LHX3: variants seen among roughly 807,000 people sequenced by gnomAD.
LHX3 encodes the protein LIM homeobox 3, also known as LIM/homeobox protein Lhx3.
Under a neutral mutation model 32.4 loss-of-function variants are expected in LHX3, and 21 were observed. That is an observed-to-expected ratio of 0.65 (90% CI 0.46 to 0.93). The LOEUF (loss-of-function observed/expected upper bound fraction) is 0.93, where lower values mean the gene tolerates loss of function less well. LHX3 is among the 40% of genes least tolerant of loss of function. The pLI is 0.00. For synonymous variants in LHX3, 258 were observed against 246.8 expected (o/e 1.05, Z -0.43); for missense variants, 626 against 560.0 (o/e 1.12, Z -1.19).
At chr9:136,202,932 G>C in intron 1 of LHX3, 2 of 1,532,048 alleles carry the variant, frequency 1.3e-6, no homozygotes, top group Non-Finnish European at 8.7e-7. Flanking sequence ...CAGCCACTCG[G>C]CCCGGGCACC....
rs1831682631 is a variant in LHX3, at chr9:136,203,007, C to T, written c.79+1927G>A. On this transcript the variant is annotated intron_variant, in intron 1 of 5. Coordinates refer to ENST00000371748, the MANE Select transcript of LHX3 (RefSeq NM_178138.6). ...GCAGCAGGTCGCCTCCCGCCGACTC[C>T]CGGGCCGGGCCCAGCTCCCCGCGCG... The T allele has an allele frequency of 1.3e-6, 2 of 1,523,946 alleles. No individual in the cohort carries two copies. Among genetic ancestry groups the T allele is most frequent in the South Asian group, 1.2e-5 (1 of 83,116 alleles). 94.4% of individuals were successfully genotyped at this position (1,523,946 alleles called of 1,614,324 possible). A position where few individuals can be genotyped will look rare whatever the true frequency, so the allele number is the denominator to read the frequency against.
Position 136,200,785 on chromosome 9 carries a change from G to A in LHX3, c.80-32C>T, listed in dbSNP as rs373999718. The A allele has an allele frequency of 6.8e-6, 11 of 1,612,068 alleles. No homozygotes were observed. The African/African-American group carries it at 9.3e-5, about 14-fold the overall frequency. On this transcript the variant is annotated intron_variant, in intron 1 of 5. Coordinates refer to ENST00000371748, the MANE Select transcript of LHX3 (RefSeq NM_178138.6). ...GCACGAGGAAGTTCTGGGTCACCTC[G>A]TAGACCAGGAGGCAGTGAAGCCACC...
Position 136,197,758 on chromosome 9 carries a change from G to A in LHX3, c.776-15C>T. On this transcript the variant is annotated splice_polypyrimidine_tract_variant and intron_variant, in intron 5 of 5. Transcript: ENST00000371748. ...GGAAGGCTCATCTGCAACAGAAGCA[G>A]AGGCTCAGTCAGCGCCTGCCCTCCA... The A allele has an allele frequency of 6.3e-7, 1 of 1,599,262 alleles. No individual in the cohort carries two copies. The highest frequency in any genetic ancestry group is 8.5e-7 in the Non-Finnish European group (1 of 1,179,534).
chr9:136,200,339 CT>C (rs1168027019), intron 2 of LHX3: 5 of 585,384 alleles, frequency 8.5e-6, no homozygotes, highest in African/African-American at 1.9e-5. Flanking sequence ...TAATAAATTG[CT>C]TTTTTTTCCA....
chr9:136,199,045 C>T lies in LHX3; in HGVS notation c.469G>A (p.Ala157Thr). 6.4e-7 allele frequency: 1 copy of T among 1,569,340 alleles called. No individual in the cohort carries two copies. The highest frequency in any genetic ancestry group is 1.8e-4 in the Middle Eastern group (1 of 5,660). Residue 157 changes from alanine to threonine, a missense_variant, in exon 4 of 6, where the codon GCC becomes ACC. Coordinates refer to ENST00000371748, the MANE Select transcript of LHX3 (RefSeq NM_178138.6). ...GTGATGGTCGTGCGCGGCCGCTTGGCCGTGGCCTCGGCCTCTGCGCGGCGG... is the reference window on the plus strand; with the variant it reads ...GTGATGGTCGTGCGCGGCCGCTTGGTCGTGGCCTCGGCCTCTGCGCGGCGG... Reference protein sequence around the residue: ...TAKQREAEATAKRPRTTITAK... With the variant: ...TAKQREAEATTKRPRTTITAK...
Position 136,205,081 on chromosome 9 carries a change from C to A in LHX3, c.-69G>T. 1 of 1,333,788 alleles carries A rather than the reference C, an allele frequency of 7.5e-7. No individual in the cohort carries two copies. Among genetic ancestry groups the A allele is most frequent in the Non-Finnish European group, 1.0e-6 (1 of 979,686 alleles). The allele number at this position is 1,333,788 out of a possible 1,614,324, so 82.6% of individuals were successfully genotyped here. On this transcript the variant is annotated 5_prime_UTR_variant, in exon 1 of 6. Coordinates refer to ENST00000371748, the MANE Select transcript of LHX3 (RefSeq NM_178138.6). Reference sequence around the variant, plus strand: ...TCAGCGTCCCCTGGAGGGTTCGGGGCTCCCAAGTCCCGCCGCGTCGTGCGG... The same window carrying A: ...TCAGCGTCCCCTGGAGGGTTCGGGGATCCCAAGTCCCGCCGCGTCGTGCGG...
At chr9:136,204,874 C>T (rs1225353557) in intron 1 of LHX3, 60 bp downstream of exon 1, 12 of 1,404,856 alleles carry the variant, frequency 8.5e-6, no homozygotes, top group Non-Finnish European at 9.8e-6. Flanking sequence ...GCACGCACCC[C>T]CTTCCTCGCG....
In LHX3 at chr9:136,197,715, C is replaced by T. The variant is rs771201500; in HGVS notation, c.804G>A (p.Pro268=). 34 of 1,604,738 alleles carry T rather than the reference C, an allele frequency of 2.1e-5. No homozygotes were observed. Among genetic ancestry groups the T allele is most frequent in the South Asian group, 1.1e-4 (10 of 90,978 alleles). ...CCAAGCTCCCGTAGAGGCCATTGGC[C>T]GGGCCCATTTCCGCCAAGGAAGGCT... is the stretch of plus-strand genomic sequence containing the variant. ...PDEPSLAEMG[P]ANGLYGSLGE... is the part of the protein sequence containing the mutation. The change falls in exon 6 of 6, where the codon CCG becomes CCA. Residue 268 remains proline, a synonymous_variant. Transcript: ENST00000371748.
chr9:136,197,111 G>A lies in LHX3; in HGVS notation c.*214C>T, dbSNP rs1195930712. ...TACAAAAAAGGCTGGCTTGCTGGGA[G>A]GCCACCTGGCGGGCCAGCCCTGTGT... is the stretch of plus-strand genomic sequence containing the variant. On this transcript the variant is annotated 3_prime_UTR_variant, in exon 6 of 6. Coordinates refer to ENST00000371748, the MANE Select transcript of LHX3 (RefSeq NM_178138.6). 2 of 595,570 alleles carry A rather than the reference G, an allele frequency of 3.4e-6. No homozygotes were observed. The highest frequency in any genetic ancestry group is 6.0e-6 in the Non-Finnish European group (2 of 334,326). 36.9% of individuals were successfully genotyped at this position (595,570 alleles called of 1,614,324 possible).
intron 1 of LHX3, chr9:136,203,239 G>A: frequency 1.6e-6 from 1 of 616,100 alleles, no homozygotes; most frequent in Non-Finnish European, 2.0e-6. Context: ...GGGGCGGGGC[G>A]GGGCCGGGGG....
chr9:136,204,604 C>T (rs1588628970), intron 1 of LHX3, among the ~76,000 whole-genome samples: 2 of 152,166 alleles, frequency 1.3e-5, no homozygotes, highest in South Asian at 4.1e-4. Context: ...AGACCTGGGC[C>T]GGGCTGTGTG....
chr9:136,200,009 G>A (rs777536658), intron 2 of LHX3, 129 bp from the exon 3 acceptor site: 2 of 989,252 alleles, frequency 2.0e-6, no homozygotes, highest in South Asian at 2.8e-5. Flanking sequence ...GCCCTGCAGG[G>A]TGGTCGCCAG....
Position 136,197,455 on chromosome 9 carries a change from G to A in LHX3, c.1064C>T (p.Pro355Leu), listed in dbSNP as rs749541215. ...CCCTGCCAGCACCCTCATGGGTGGGGGCCCGCCGGGGGCTCCCGAGGGCAC... is the reference window on the plus strand; with the variant it reads ...CCCTGCCAGCACCCTCATGGGTGGGAGCCCGCCGGGGGCTCCCGAGGGCAC... ...GLVPSGAPGG[P>L]PPMRVLAGNG... The change falls in exon 6 of 6, where the codon CCC (proline) becomes CTC (leucine). Residue 355 changes from proline to leucine, a missense_variant. Physicochemically the swap from Pro to Leu is moderately conservative, Grantham distance 98. Transcript: ENST00000371748. 6.3e-7 allele frequency: 1 copy of A among 1,580,770 alleles called. No homozygotes were observed. Among genetic ancestry groups the A allele is most frequent in the Non-Finnish European group, 8.6e-7 (1 of 1,164,582 alleles).
chr9:136,202,228 G>A (rs1831657464), intron 1 of LHX3, among the ~76,000 whole-genome samples: 1 of 152,032 alleles, frequency 6.6e-6, no homozygotes, highest in Non-Finnish European at 1.5e-5. Flanking sequence ...GTAGGGAACC[G>A]CGAGCCCCCA....
chr9:136,201,484 G>T (rs1831638499), intron 1 of LHX3: 3 of 1,201,696 alleles, frequency 2.5e-6, no homozygotes, highest in Non-Finnish European at 3.1e-6. Context: ...CACTGGGGAG[G>T]TCCAAGGGTG....
At chr9:136,201,469 A>T in intron 1 of LHX3, 1 of 1,212,534 alleles carries the variant, frequency 8.2e-7, no homozygotes, top group Non-Finnish European at 1.0e-6. Context: ...CCCCTGGAGG[A>T]ACCACACTGG....
At position 136,196,654 on chromosome 9, in the gene LHX3, G is replaced by A. The variant is rs1306061430; in HGVS notation, c.*671C>T. The A allele has an allele frequency of 6.5e-6, 1 of 152,888 alleles. No homozygotes were observed. Among genetic ancestry groups the A allele is most frequent in the Non-Finnish European group, 1.5e-5 (1 of 68,250 alleles). The allele number at this position is 152,888 out of a possible 1,614,324, so 9.5% of individuals were successfully genotyped here. ...AGGGGCTTAGAGAATTGAGCTTGGA[G>A]AGAAGGGGCGCCAGGCATTTTTGCC... On this transcript the variant is annotated 3_prime_UTR_variant, in exon 6 of 6. Transcript: ENST00000371748.
At chr9:136,199,586 G>A (rs1831586090) in intron 3 of LHX3, 92 bp downstream of exon 3, 6 of 1,379,004 alleles carry the variant, frequency 4.4e-6, no homozygotes, top group South Asian at 3.5e-5. Context: ...GAGCGCTTGG[G>A]GAGAGAATTT....
At chr9:136,203,047 G>A (rs1387095768) in intron 1 of LHX3, 2 of 1,517,018 alleles carry the variant, frequency 1.3e-6, no homozygotes, top group Admixed American at 4.0e-5. Context: ...CATGGGTCCC[G>A]CCGCCCGGCG....
Sources: gnomAD v4.1 joint callset for allele counts (sites outside exome capture counted in the v4.1 genomes callset) on GRCh38, gnomAD v4.1.1 for gene constraint, MANE v1.5 for transcripts, NCBI Gene and HGNC (gene_info 2026-07-23, HGNC 2026-07-21) for gene names.